KCNT2: variants seen among roughly 807,000 people sequenced by gnomAD.
KCNT2 encodes the protein potassium sodium-activated channel subfamily T member 2, also known as potassium channel subfamily T member 2.
KCNT2 carries 67 observed loss-of-function variants against 153.8 expected under a neutral mutation model. The observed-to-expected ratio is 0.44, with a 90% CI of 0.36 to 0.53. The LOEUF (loss-of-function observed/expected upper bound fraction) is 0.53, where lower values mean the gene tolerates loss of function less well. Among genes scored for constraint, KCNT2 ranks in the 20% least tolerant of loss-of-function variants. KCNT2 has a pLI of 0.00. For synonymous variants in KCNT2, 500 were observed against 458.8 expected (o/e 1.09, Z -1.15); for missense variants, 975 against 1,354.8 (o/e 0.72, Z 4.40).
chr1:196,352,341 C>G (rs573108195), intron 14 of KCNT2, among the ~76,000 whole-genome samples: 113 of 151,742 alleles, frequency 7.4e-4, no homozygotes, highest in African/African-American at 2.7e-3. Context: ...GTCCTGGACT[C>G]TTTTTGGTTG....
At chr1:196,552,644 G>T (rs1209226848) in intron 1 of KCNT2, among the ~76,000 whole-genome samples, 1 of 151,460 alleles carries the variant, frequency 6.6e-6, no homozygotes, top group Non-Finnish European at 1.5e-5. Context: ...TGTAATTGTG[G>T]TGTGTAACTA....
chr1:196,592,716 A>AAT (rs1261524309), intron 1 of KCNT2, among the ~76,000 whole-genome samples: 8 of 146,950 alleles, frequency 5.4e-5, no homozygotes, highest in South Asian at 2.1e-4. Flanking sequence ...CACATATATA[A>AAT]ATATATATAT....
At chr1:196,244,724 G>T (rs1038007110) in intron 26 of KCNT2, among the ~76,000 whole-genome samples, 1 of 152,176 alleles carries the variant, frequency 6.6e-6, no homozygotes, top group African/African-American at 2.4e-5. Context: ...CTGACTCTAG[G>T]CCCTGACTCC....
intron 1 of KCNT2, among the ~76,000 whole-genome samples, chr1:196,535,340 G>T (rs943846112): frequency 1.3e-5 from 2 of 152,274 alleles, no homozygotes; most frequent in African/African-American, 4.8e-5. Context: ...CATTGTAAAA[G>T]TGTTTGTCAT....
intron 8 of KCNT2, among the ~76,000 whole-genome samples, chr1:196,462,621 G>T (rs576214144): frequency 1.3e-5 from 2 of 151,264 alleles, no homozygotes; most frequent in East Asian, 3.9e-4. Flanking sequence ...TAAAACTTTT[G>T]AGGTGTTAAC....
chr1:196,442,501 A>G (rs569655576), intron 8 of KCNT2, among the ~76,000 whole-genome samples: 1 of 151,860 alleles, frequency 6.6e-6, no homozygotes, highest in African/African-American at 2.4e-5. Flanking sequence ...CATGTATACA[A>G]CTACAGAAAG....
intron 1 of KCNT2, among the ~76,000 whole-genome samples, chr1:196,527,021 T>C (rs904717181): frequency 1.3e-5 from 2 of 152,114 alleles, no homozygotes; most frequent in African/African-American, 4.8e-5. Context: ...TTGTGAACTG[T>C]GCATGTAAGG....
At chr1:196,365,170 C>T (rs1273972649) in intron 14 of KCNT2, among the ~76,000 whole-genome samples, 2 of 152,002 alleles carry the variant, frequency 1.3e-5, no homozygotes, top group East Asian at 1.9e-4. Flanking sequence ...CTAATAGCAA[C>T]TATTATTTGC....
intron 13 of KCNT2, among the ~76,000 whole-genome samples, chr1:196,384,666 C>T (rs1669802960): frequency 7.1e-6 from 1 of 141,490 alleles, no homozygotes; most frequent in African/African-American, 2.7e-5. Context: ...TCTTGCCACA[C>T]TCCAGCCTGC....
At chr1:196,485,638 TA>T (rs909732623) in intron 3 of KCNT2, among the ~76,000 whole-genome samples, 21 of 144,916 alleles carry the variant, frequency 1.4e-4, no homozygotes, top group East Asian at 2.0e-4. Context: ...TCAGAATCCA[TA>T]AAAAAAAAAG....
chr1:196,559,407 G>A (rs1432078444), intron 1 of KCNT2, among the ~76,000 whole-genome samples: 1 of 151,440 alleles, frequency 6.6e-6, no homozygotes, highest in Non-Finnish European at 1.5e-5. Flanking sequence ...TGAATATTTC[G>A]ATTGTTTCCA....
chr1:196,383,919 T>G (rs1358389573), intron 13 of KCNT2, among the ~76,000 whole-genome samples: 1 of 152,128 alleles, frequency 6.6e-6, no homozygotes, highest in African/African-American at 2.4e-5. Context: ...TGCAGCAAAT[T>G]AGATAAAAAA....
intron 25 of KCNT2, among the ~76,000 whole-genome samples, chr1:196,261,092 T>C (rs1285205655): frequency 1.3e-5 from 2 of 151,818 alleles, no homozygotes; most frequent in Non-Finnish European, 3.0e-5. Flanking sequence ...ACTTTCCTGA[T>C]GTCATTTCTT....
At chr1:196,570,032 A>G (rs1189327681) in intron 1 of KCNT2, among the ~76,000 whole-genome samples, 1 of 149,792 alleles carries the variant, frequency 6.7e-6, no homozygotes, top group Non-Finnish European at 1.5e-5. Flanking sequence ...CTAACCAACA[A>G]AAAGCCTCCT....
chr1:196,311,679 A>G (rs1662197990), intron 21 of KCNT2, among the ~76,000 whole-genome samples: 1 of 151,646 alleles, frequency 6.6e-6, no homozygotes, highest in Non-Finnish European at 1.5e-5. Flanking sequence ...TTTTTTCCCC[A>G]GCTCCTAGGT....
chr1:196,570,805 C>T (rs931409917), intron 1 of KCNT2, among the ~76,000 whole-genome samples: 1 of 152,014 alleles, frequency 6.6e-6, no homozygotes, highest in Non-Finnish European at 1.5e-5. Context: ...AAGGTCTGAC[C>T]ACAGAACACA....
intron 12 of KCNT2, among the ~76,000 whole-genome samples, chr1:196,414,873 GT>G (rs961550730): frequency 9.9e-5 from 15 of 151,786 alleles, no homozygotes. Context: ...ATGATTCCAG[GT>G]CTTCTGGCCC....
chr1:196,574,123 T>C (rs1459237385), intron 1 of KCNT2, among the ~76,000 whole-genome samples: 1 of 151,974 alleles, frequency 6.6e-6, no homozygotes, highest in Non-Finnish European at 1.5e-5. Context: ...AATCAATTAT[T>C]AATAATATTA....
chr1:196,226,277 A>G lies in KCNT2; in HGVS notation c.*1947T>C, dbSNP rs1292708965. The G allele has an allele frequency of 6.6e-6, 1 of 152,034 alleles. No homozygotes were observed. The highest frequency in any genetic ancestry group is 1.5e-5 in the Non-Finnish European group (1 of 67,906). 9.4% of individuals were successfully genotyped at this position (152,034 alleles called of 1,614,324 possible). A position where few individuals can be genotyped will look rare whatever the true frequency, so the allele number is the denominator to read the frequency against. The stretch of plus-strand genomic sequence containing the variant: ...AAGTAAAAAAAGTCAACTTAAAGAA[A>G]CATCATACTTGACTCTTGATATGCA... On this transcript the variant is annotated 3_prime_UTR_variant, in exon 28 of 28. Coordinates refer to ENST00000294725, the MANE Select transcript of KCNT2 (RefSeq NM_198503.5).
Sources: allele counts gnomAD v4.1 joint callset (sites outside exome capture counted in the v4.1 genomes callset), GRCh38; gene constraint gnomAD v4.1.1; transcripts MANE v1.5; gene names NCBI Gene and HGNC (gene_info 2026-07-23, HGNC 2026-07-21).